The following CABCOCO1 variants were observed in gnomAD, a reference collection of about 807,000 sequenced individuals.
The protein encoded by CABCOCO1 is ciliary-associated calcium-binding coiled-coil protein 1.
A neutral mutation model predicts 35.7 loss-of-function variants in CABCOCO1; 28 were observed. That is an observed-to-expected ratio of 0.78 (90% CI 0.58 to 1.07). CABCOCO1 has a LOEUF of 1.07. Among genes scored for constraint, CABCOCO1 ranks in the 50% least tolerant of loss-of-function variants. CABCOCO1 has a pLI of 0.00. For synonymous variants in CABCOCO1, 95 were observed against 100.1 expected, an observed-to-expected ratio of 0.95 and a Z score of 0.30; for missense variants, 326 against 309.2, an observed-to-expected ratio of 1.05 and a Z score of -0.41.
intron 2 of CABCOCO1, among the ~76,000 whole-genome samples, chr10:61,675,787 A>T (rs977946915): frequency 6.6e-6 from 1 of 152,150 alleles, no homozygotes; most frequent in African/African-American, 2.4e-5. Context: ...AAGGCAAGAA[A>T]CTAAGGCTAA....
chr10:61,667,097 A>C (rs1424518273), intron 1 of CABCOCO1, among the ~76,000 whole-genome samples: 2 of 143,614 alleles, frequency 1.4e-5, no homozygotes, highest in South Asian at 4.2e-4. Context: ...AATTTCATAT[A>C]GTATATATAA....
chr10:61,691,324 C>G (rs896713171), intron 5 of CABCOCO1, among the ~76,000 whole-genome samples: 2 of 152,088 alleles, frequency 1.3e-5, no homozygotes, highest in Non-Finnish European at 2.9e-5. Flanking sequence ...ATGTAGGATA[C>G]AGTAACCCCT....
At chr10:61,686,722 A>G (rs1839977225) in intron 4 of CABCOCO1, among the ~76,000 whole-genome samples, 2 of 152,194 alleles carry the variant, frequency 1.3e-5, no homozygotes, top group African/African-American at 4.8e-5. Flanking sequence ...TGTAGTATTG[A>G]CCAATTAAAC....
At chr10:61,748,246 A>G (rs1411815621) in intron 5 of CABCOCO1, among the ~76,000 whole-genome samples, 1 of 152,166 alleles carries the variant, frequency 6.6e-6, no homozygotes, top group Admixed American at 6.5e-5. Flanking sequence ...CTTACTGACC[A>G]TATAAAACTA....
intron 5 of CABCOCO1, among the ~76,000 whole-genome samples, chr10:61,731,585 A>G (rs907286835): frequency 2.6e-5 from 4 of 151,910 alleles, no homozygotes; most frequent in Non-Finnish European, 5.9e-5. Flanking sequence ...TAAGGAGTCA[A>G]ACTTGGAAAT....
chr10:61,744,637 A>G lies in CABCOCO1; in HGVS notation c.553-15422A>G, dbSNP rs142852160. Among the ~76,000 whole-genome samples, 404 of 152,268 alleles carry G rather than the reference A, an allele frequency of 2.7e-3. 2 individuals are homozygous for G. The highest frequency in any genetic ancestry group is 7.4e-3 in the Admixed American group (113 of 15,272). ...TGAAATAAAACTAGTCTTCCAGTAC[A>G]TGGCACACCTATGTTGGCTGGCATA... On this transcript the variant is annotated intron_variant, in intron 5 of 7. Coordinates refer to ENST00000648843, the MANE Select transcript of CABCOCO1 (RefSeq NM_001366906.2).
At chr10:61,731,374 T>G (rs187712307) in intron 5 of CABCOCO1, among the ~76,000 whole-genome samples, 205 of 152,172 alleles carry the variant, frequency 1.3e-3, no homozygotes, top group Admixed American at 2.1e-3. Flanking sequence ...CTTGTTTTCG[T>G]TGGGTTTTGT....
Position 61,727,475 on chromosome 10 carries a change from GA to G in CABCOCO1, c.553-32582del, listed in dbSNP as rs556636714. 2.1e-3 allele frequency among the ~76,000 whole-genome samples: 316 copies of G among 152,096 alleles called. 9 individuals are homozygous for G. The highest frequency in any genetic ancestry group is 0.019 in the Admixed American group (284 of 15,278). ...ATCTGAAAGAGCTCTAGAGTTCAAA[GA>G]ATGTATAATCAAACCCCTTATACAC... is the stretch of plus-strand genomic sequence containing the variant. On this transcript the variant is annotated intron_variant, in intron 5 of 7. Coordinates refer to ENST00000648843, the MANE Select transcript of CABCOCO1 (RefSeq NM_001366906.2).
chr10:61,695,132 TA>T (rs1027705095), intron 5 of CABCOCO1, among the ~76,000 whole-genome samples: 1 of 151,106 alleles, frequency 6.6e-6, no homozygotes, highest in African/African-American at 2.4e-5. Context: ...CCTTAAGAAA[TA>T]AAAAAATATA....
At chr10:61,737,113 C>T (rs1841434992) in intron 5 of CABCOCO1, among the ~76,000 whole-genome samples, 1 of 152,124 alleles carries the variant, frequency 6.6e-6, no homozygotes, top group African/African-American at 2.4e-5. Context: ...TTGGCTTCCT[C>T]TCTTCCTATT....
intron 5 of CABCOCO1, among the ~76,000 whole-genome samples, chr10:61,716,266 A>T (rs887064620): frequency 3.3e-5 from 5 of 152,190 alleles, no homozygotes; most frequent in Non-Finnish European, 7.3e-5. Context: ...AAATTTTAGG[A>T]TATCCTAAAT....
At chr10:61,693,327 C>T (rs2131999698) in intron 5 of CABCOCO1, among the ~76,000 whole-genome samples, 1 of 152,212 alleles carries the variant, frequency 6.6e-6, no homozygotes, top group East Asian at 1.9e-4. Context: ...GAGGTAGGGG[C>T]CTGCCCCAGC....
At chr10:61,675,827 T>C (rs1237490417) in intron 2 of CABCOCO1, among the ~76,000 whole-genome samples, 2 of 152,122 alleles carry the variant, frequency 1.3e-5, no homozygotes, top group Non-Finnish European at 2.9e-5. Context: ...CTTACATTGC[T>C]GAAAATCAAG....
chr10:61,703,699 C>A (rs551192899), intron 5 of CABCOCO1, among the ~76,000 whole-genome samples: 5 of 151,122 alleles, frequency 3.3e-5, no homozygotes, highest in African/African-American at 1.2e-4. Context: ...TCAGGCCTGC[C>A]TCTACTTACT....
intron 2 of CABCOCO1, among the ~76,000 whole-genome samples, chr10:61,673,011 T>C (rs1367023462): frequency 6.6e-6 from 1 of 152,224 alleles, no homozygotes; most frequent in African/African-American, 2.4e-5. Flanking sequence ...GCATATGCTG[T>C]CTTCTTTTCT....
chr10:61,704,750 G>A lies in CABCOCO1; in HGVS notation c.552+14129G>A, dbSNP rs1840553409. Among the ~76,000 whole-genome samples the A allele has an allele frequency of 2.6e-5, 4 of 151,770 alleles. No individual in the cohort carries two copies. In the South Asian group the frequency reaches 8.3e-4, roughly 32 times the overall value. ...AATACATTTCCCATTCATAACAGCA[G>A]CCGAAATCTCTCTCTTTTGCCCCAT... On this transcript the variant is annotated intron_variant, in intron 5 of 7. Transcript: ENST00000648843.
intron 1 of CABCOCO1, among the ~76,000 whole-genome samples, chr10:61,664,571 G>T (rs1839107221): frequency 6.6e-6 from 1 of 152,146 alleles, no homozygotes; most frequent in South Asian, 2.1e-4. Context: ...TGGAGGGCCA[G>T]GTATTCTCAT....
intron 5 of CABCOCO1, among the ~76,000 whole-genome samples, chr10:61,691,329 A>T (rs1309110053): frequency 6.6e-6 from 1 of 152,122 alleles, no homozygotes; most frequent in African/African-American, 2.4e-5. Context: ...GGATACAGTA[A>T]CCCCTCAATT....
At chr10:61,725,025 A>G (rs778283520) in intron 5 of CABCOCO1, among the ~76,000 whole-genome samples, 7 of 152,190 alleles carry the variant, frequency 4.6e-5, no homozygotes, top group Non-Finnish European at 1.0e-4. Flanking sequence ...TTCTTCTTTT[A>G]GGAAATGCCT....
Sources: allele counts gnomAD v4.1 joint callset (sites outside exome capture counted in the v4.1 genomes callset), GRCh38; gene constraint gnomAD v4.1.1; transcripts MANE v1.5; gene names NCBI Gene and HGNC (gene_info 2026-07-23, HGNC 2026-07-21).